Variants in SPAG16 observed in about 807,000 individuals in gnomAD.
The protein encoded by SPAG16 is sperm-associated antigen 16 protein.
SPAG16 carries 86 observed loss-of-function variants against 80.4 expected under a neutral mutation model. The observed-to-expected ratio is 1.07, with a 90% CI of 0.90 to 1.28. The LOEUF (loss-of-function observed/expected upper bound fraction) is 1.28. Ranked by LOEUF, SPAG16 falls within the 50% of genes most tolerant of loss-of-function variation. The pLI is 0.00. For missense variants in SPAG16, 870 were observed against 765.3 expected (o/e 1.14, Z -1.61); for synonymous variants, 294 against 265.9 (o/e 1.11, Z -1.03).
intron 12 of SPAG16, among the ~76,000 whole-genome samples, chr2:213,999,868 A>T (rs2046704898): frequency 6.6e-6 from 1 of 152,164 alleles, no homozygotes; most frequent in Non-Finnish European, 1.5e-5. Context: ...TGGGCCCTGT[A>T]ACCACTTTGT....
intron 10 of SPAG16, among the ~76,000 whole-genome samples, chr2:213,623,307 A>G (rs904733755): frequency 1.3e-5 from 2 of 152,108 alleles, no homozygotes; most frequent in Non-Finnish European, 2.9e-5. Context: ...TCACTATGTC[A>G]TCACTAAATC....
chr2:213,490,161 G>T, intron 10 of SPAG16, 71 bp downstream of exon 10: 1 of 1,397,084 alleles, frequency 7.2e-7, no homozygotes, highest in Non-Finnish European at 9.6e-7. Flanking sequence ...TGCTCTTACA[G>T]CCATTCATGG....
At chr2:214,182,712 T>A (rs1211615973) in intron 15 of SPAG16, among the ~76,000 whole-genome samples, 3 of 151,962 alleles carry the variant, frequency 2.0e-5, no homozygotes, top group African/African-American at 7.2e-5. Flanking sequence ...AAATAATTGC[T>A]CCAGTAGATT....
At chr2:214,049,707 G>A (rs1282509333) in intron 13 of SPAG16, among the ~76,000 whole-genome samples, 1 of 152,214 alleles carries the variant, frequency 6.6e-6, no homozygotes, top group African/African-American at 2.4e-5. Flanking sequence ...CTGCCCCACA[G>A]CCATTGTAAG....
intron 4 of SPAG16, among the ~76,000 whole-genome samples, chr2:213,312,248 G>T (rs1485368852): frequency 2.0e-5 from 3 of 151,586 alleles, no homozygotes; most frequent in African/African-American, 7.2e-5. Flanking sequence ...TTTGTTCTAT[G>T]AACCACTGAA....
At chr2:214,076,438 T>A (rs761659063) in intron 13 of SPAG16, among the ~76,000 whole-genome samples, 2 of 152,084 alleles carry the variant, frequency 1.3e-5, no homozygotes, top group Non-Finnish European at 2.9e-5. Context: ...AGGACATGCC[T>A]GAAACAAAAT....
intron 10 of SPAG16, among the ~76,000 whole-genome samples, chr2:213,618,732 C>A: frequency 1.3e-5 from 2 of 149,552 alleles, no homozygotes. Context: ...TTTGCATGCA[C>A]AGAATTTAAA....
chr2:213,860,561 G>T (rs1419978272), intron 10 of SPAG16, among the ~76,000 whole-genome samples: 1 of 151,322 alleles, frequency 6.6e-6, no homozygotes, highest in Non-Finnish European at 1.5e-5. Flanking sequence ...ATCAGAGTGT[G>T]ATTAGGAGGA....
intron 13 of SPAG16, among the ~76,000 whole-genome samples, chr2:214,065,822 G>T (rs1474779979): frequency 6.6e-6 from 1 of 152,054 alleles, no homozygotes; most frequent in Non-Finnish European, 1.5e-5. Context: ...ACATTGGTTG[G>T]CCTTTAAATA....
chr2:213,980,614 GTATA>G (rs1182741282), intron 12 of SPAG16, among the ~76,000 whole-genome samples: 1 of 140,074 alleles, frequency 7.1e-6, no homozygotes, highest in South Asian at 2.2e-4. Flanking sequence ...TGGAGTATAT[GTATA>G]TATATAGAAT....
intron 9 of SPAG16, among the ~76,000 whole-genome samples, chr2:213,480,317 G>T (rs1223922183): frequency 1.3e-5 from 2 of 152,160 alleles, no homozygotes; most frequent in Admixed American, 1.3e-4. Context: ...GATGCCAATT[G>T]GTTGGGACAG....
chr2:213,843,875 C>T (rs1341854314), intron 10 of SPAG16, among the ~76,000 whole-genome samples: 1 of 151,848 alleles, frequency 6.6e-6, no homozygotes. Context: ...CAAAAAGAAC[C>T]CCTTCTTTTT....
At chr2:213,334,934 A>G (rs1388496143) in intron 5 of SPAG16, among the ~76,000 whole-genome samples, 1 of 152,164 alleles carries the variant, frequency 6.6e-6, no homozygotes, top group Non-Finnish European at 1.5e-5. Context: ...GTACATTTAA[A>G]AATAACCGAA....
intron 15 of SPAG16, among the ~76,000 whole-genome samples, chr2:214,396,000 T>C (rs1701346931): frequency 6.6e-6 from 1 of 152,336 alleles, no homozygotes; most frequent in African/African-American, 2.4e-5. Context: ...CACGTGTGCA[T>C]GTGTCTTTAT....
chr2:214,112,056 C>T (rs989346418), intron 14 of SPAG16, among the ~76,000 whole-genome samples: 1 of 152,146 alleles, frequency 6.6e-6, no homozygotes. Flanking sequence ...AATATACAAT[C>T]ATGTCATCTG....
At chr2:213,353,597 C>G (rs2065456957) in intron 7 of SPAG16, among the ~76,000 whole-genome samples, 1 of 152,102 alleles carries the variant, frequency 6.6e-6, no homozygotes, top group African/African-American at 2.4e-5. Flanking sequence ...CTTTATTTGC[C>G]CTTCATTTCC....
chr2:213,392,558 G>A (rs1030340668), intron 9 of SPAG16, among the ~76,000 whole-genome samples: 1 of 152,042 alleles, frequency 6.6e-6, no homozygotes, highest in African/African-American at 2.4e-5. Context: ...TATGAAAATA[G>A]TGTTGAGGCT....
chr2:213,483,233 A>G (rs1418479413), intron 9 of SPAG16, among the ~76,000 whole-genome samples: 2 of 152,180 alleles, frequency 1.3e-5, no homozygotes, highest in Admixed American at 6.6e-5. Context: ...GTCCTTCACT[A>G]TAATAAATAA....
At chr2:214,060,937 A>G (rs1389496134) in intron 13 of SPAG16, among the ~76,000 whole-genome samples, 1 of 152,214 alleles carries the variant, frequency 6.6e-6, no homozygotes, top group African/African-American at 2.4e-5. Flanking sequence ...ACATCAGGCT[A>G]TGAAGAACTA....
Sources: allele counts gnomAD v4.1 joint callset (sites outside exome capture counted in the v4.1 genomes callset), GRCh38; gene constraint gnomAD v4.1.1; transcripts MANE v1.5; gene names NCBI Gene and HGNC (gene_info 2026-07-23, HGNC 2026-07-21).